Variants in MPDZ observed in about 807,000 individuals in gnomAD.
MPDZ encodes the protein multiple PDZ domain protein.
MPDZ carries 234 observed loss-of-function variants against 239.1 expected under a neutral mutation model. The observed-to-expected ratio is 0.98, with a 90% CI of 0.88 to 1.09. The LOEUF (loss-of-function observed/expected upper bound fraction) is 1.09. Among genes scored for constraint, MPDZ ranks in the 50% least tolerant of loss-of-function variants. MPDZ has a pLI of 0.00. For missense variants in MPDZ, 3,175 were observed against 2,510.0 expected (o/e 1.26, Z -5.66); for synonymous variants, 1,048 against 881.3 (o/e 1.19, Z -3.35).
chr9:13,176,040 A>C, intron 20 of MPDZ, 96 bp downstream of exon 20: 3 of 1,438,290 alleles, frequency 2.1e-6, no homozygotes, highest in South Asian at 3.0e-5. Context: ...TAGTGTCAAG[A>C]AGCACTCATT....
chr9:13,190,232 T>C lies in MPDZ; in HGVS notation c.2036A>G (p.Asp679Gly). The change falls in exon 16 of 47, where the codon GAT becomes GGT. Residue 679 changes from aspartate (D) to glycine (G), a missense_variant. Transcript: ENST00000319217. ...AACCTCTTCTGTACTCTGACCCGCA[T>C]CAGTCATCGCCAGCACTGGATCCTC... ...ETEDPVLAMTDAGQSTEEVQA... is the reference protein window; with the variant it reads ...ETEDPVLAMTGAGQSTEEVQA... 6.2e-7 allele frequency: 1 copy of C among 1,612,838 alleles called. No homozygotes were observed. The highest frequency in any genetic ancestry group is 8.5e-7 in the Non-Finnish European group (1 of 1,179,418).
rs773156167 is a variant in MPDZ, at chr9:13,115,309, T to C, written c.5405A>G (p.Glu1802Gly). The change falls in exon 40 of 47, where the codon GAA (glutamate) becomes GGA (glycine). Residue 1802 changes from glutamate (E) to glycine (G), a missense_variant. Transcript: ENST00000319217. ...TGGACCAGCTTTGATTCTTCCAACTTCCAAGGTTACTGTGCCTAGGGAACA... is the reference window on the plus strand; with the variant it reads ...TGGACCAGCTTTGATTCTTCCAACTCCCAAGGTTACTGTGCCTAGGGAACA... ...LKCSLGTVTL[E>G]VGRIKAGPFH... 4 of 1,612,360 alleles carry C rather than the reference T, an allele frequency of 2.5e-6. No homozygotes were observed. The highest frequency in any genetic ancestry group is 1.7e-6 in the Non-Finnish European group (2 of 1,179,678).
Position 13,136,157 on chromosome 9 carries a change from C to A in MPDZ, c.4318G>T (p.Ala1440Ser), listed in dbSNP as rs750164135. The change falls in exon 31 of 47, where the codon GCC becomes TCC. Residue 1440 changes from alanine to serine, a missense_variant. Transcript: ENST00000319217. ...IRNKDAVNQM[A>S]VCPGNAVEPL... ...TCTACTGCATTTCCAGGACATACGG[C>A]CATCTGATTCACTGCATCTTTATTT... 30 of 1,612,256 alleles carry A rather than the reference C, an allele frequency of 1.9e-5. No homozygotes were observed. The highest frequency in any genetic ancestry group is 1.4e-5 in the Non-Finnish European group (17 of 1,179,120).
At chr9:13,217,577 T>A (rs1958511579) in intron 8 of MPDZ, among the ~76,000 whole-genome samples, 1 of 151,606 alleles carries the variant, frequency 6.6e-6, no homozygotes, top group Non-Finnish European at 1.5e-5. Flanking sequence ...ATCAAACAGG[T>A]TTTTTTTAGC....
Position 13,150,548 on chromosome 9 carries a change from T to C in MPDZ, c.3593A>G (p.Lys1198Arg). Residue 1198 changes from lysine to arginine, a missense_variant, in exon 25 of 47, where the codon AAA becomes AGA. Lys to Arg is a conservative substitution (Grantham distance 26). Transcript: ENST00000319217. The part of the protein sequence containing the change: ...KHVLEDSPAG[K>R]NGTLKPGDRI... Reference sequence around the variant, plus strand: ...ATCTCCAGGTTTCAAGGTTCCATTTTTGCCAGCTGGACTATCTTCCAGAAC... The same window carrying C: ...ATCTCCAGGTTTCAAGGTTCCATTTCTGCCAGCTGGACTATCTTCCAGAAC... The C allele has an allele frequency of 3.2e-6, 5 of 1,578,058 alleles. No individual in the cohort carries two copies. Among genetic ancestry groups the C allele is most frequent in the Admixed American group, 1.7e-5 (1 of 57,692 alleles).
chr9:13,106,829 G>GA lies in MPDZ; in HGVS notation c.*135dup. 1.1e-6 allele frequency: 1 copy of GA among 927,432 alleles called. No individual in the cohort carries two copies. Among genetic ancestry groups the GA allele is most frequent in the Non-Finnish European group, 1.6e-6 (1 of 637,078 alleles). 57.5% of individuals were successfully genotyped at this position (927,432 alleles called of 1,614,324 possible). A position where few individuals can be genotyped will look rare whatever the true frequency, so the allele number is the denominator to read the frequency against. Reference sequence around the variant, plus strand: ...GGAAAGCATTTCTAGATGAGAAAAAGAAACTTAAGTGTTATTTCCCCCCTA... The same window carrying GA: ...GGAAAGCATTTCTAGATGAGAAAAAGAAAACTTAAGTGTTATTTCCCCCCTA... On this transcript the variant is annotated 3_prime_UTR_variant, in exon 47 of 47. Transcript: ENST00000319217.
At chr9:13,248,762 G>GT (rs879684840) in intron 2 of MPDZ, among the ~76,000 whole-genome samples, 1 of 151,228 alleles carries the variant, frequency 6.6e-6, no homozygotes, top group African/African-American at 2.4e-5. Flanking sequence ...GAGCTCAGGA[G>GT]TTTGAGACCA....
intron 1 of MPDZ, among the ~76,000 whole-genome samples, chr9:13,260,753 C>T (rs1327869957): frequency 6.6e-6 from 1 of 152,174 alleles, no homozygotes; most frequent in Non-Finnish European, 1.5e-5. Context: ...AGAAGGTAGC[C>T]ACCTGCGAGC....
At chr9:13,208,960 C>T (rs1477062485) in intron 10 of MPDZ, among the ~76,000 whole-genome samples, 2 of 152,090 alleles carry the variant, frequency 1.3e-5, no homozygotes. Context: ...TGCAACAAAA[C>T]TGGAAACCAA....
intron 13 of MPDZ, 131 bp from the exon 14 acceptor site, chr9:13,193,444 A>G (rs1345645580): frequency 1.0e-6 from 1 of 1,004,416 alleles, no homozygotes; most frequent in African/African-American, 1.6e-5. Context: ...CCATATTGTA[A>G]AACTGCAAAG....
In MPDZ at chr9:13,193,240, A is replaced by C. The variant is rs976405599; in HGVS notation, c.1730T>G (p.Phe577Cys). 6.2e-7 allele frequency: 1 copy of C among 1,612,626 alleles called. No individual in the cohort carries two copies. Among genetic ancestry groups the C allele is most frequent in the Non-Finnish European group, 8.5e-7 (1 of 1,179,112 alleles). Residue 577 changes from phenylalanine (F) to cysteine (C), a missense_variant, in exon 14 of 47, where the codon TTT becomes TGT. Coordinates refer to ENST00000319217, the MANE Select transcript of MPDZ (RefSeq NM_001378778.1). Reference protein sequence around the residue: ...ISLEATVGHHFIRSVLPEGPV... With the variant: ...ISLEATVGHHCIRSVLPEGPV... ...ACCCTCTGGTAGAACAGATCGGATA[A>C]AATGATGTCCCACTGTCGCTTCCAG...
At chr9:13,232,322 A>G (rs1165584334) in intron 3 of MPDZ, among the ~76,000 whole-genome samples, 1 of 152,172 alleles carries the variant, frequency 6.6e-6, no homozygotes, top group Admixed American at 6.5e-5. Context: ...TCTGTTCAAG[A>G]TATGATTAAA....
chr9:13,165,005 G>A (rs1950902733), intron 22 of MPDZ, among the ~76,000 whole-genome samples: 1 of 152,110 alleles, frequency 6.6e-6, no homozygotes, highest in Admixed American at 6.6e-5. Context: ...GGTTACACAT[G>A]GACTAGAAGA....
At chr9:13,174,665 A>C (rs1587514043) in intron 21 of MPDZ, among the ~76,000 whole-genome samples, 2 of 152,236 alleles carry the variant, frequency 1.3e-5, no homozygotes, top group African/African-American at 4.8e-5. Flanking sequence ...GAAATACTAA[A>C]TTAGCCAATG....
At chr9:13,162,941 G>C in intron 22 of MPDZ, 146 bp from the exon 23 acceptor site, 1 of 553,542 alleles carries the variant, frequency 1.8e-6, no homozygotes, top group Non-Finnish European at 3.2e-6. Context: ...ATATTCAGCA[G>C]AGAATCCAAA....
chr9:13,167,589 A>G (rs1951228188), intron 22 of MPDZ, among the ~76,000 whole-genome samples: 1 of 152,128 alleles, frequency 6.6e-6, no homozygotes, highest in Non-Finnish European at 1.5e-5. Flanking sequence ...CATCGATTTT[A>G]GGTAAACAAT....
chr9:13,106,829 G>A lies in MPDZ; in HGVS notation c.*136C>T. On this transcript the variant is annotated 3_prime_UTR_variant, in exon 47 of 47. Transcript: ENST00000319217. ...GGAAAGCATTTCTAGATGAGAAAAA[G>A]AAACTTAAGTGTTATTTCCCCCCTA... 1 of 927,432 alleles carries A rather than the reference G, an allele frequency of 1.1e-6. No homozygotes were observed. Among genetic ancestry groups the A allele is most frequent in the Non-Finnish European group, 1.6e-6 (1 of 637,078 alleles). 57.5% of individuals were successfully genotyped at this position (927,432 alleles called of 1,614,324 possible). A position where few individuals can be genotyped will look rare whatever the true frequency, so the allele number is the denominator to read the frequency against.
At chr9:13,164,724 T>C (rs1432420300) in intron 22 of MPDZ, among the ~76,000 whole-genome samples, 1 of 152,118 alleles carries the variant, frequency 6.6e-6, no homozygotes, top group Non-Finnish European at 1.5e-5. Flanking sequence ...TTCTGATACT[T>C]TGCATAGCAG....
At chr9:13,133,650 G>A (rs369163482) in intron 32 of MPDZ, among the ~76,000 whole-genome samples, 174 bp downstream of exon 32, 2 of 152,184 alleles carry the variant, frequency 1.3e-5, no homozygotes, top group Middle Eastern at 3.2e-3. Flanking sequence ...CCCAACCCTA[G>A]AGTTTCTCAT....
Sources: gnomAD v4.1 joint callset for allele counts (sites outside exome capture counted in the v4.1 genomes callset) on GRCh38, gnomAD v4.1.1 for gene constraint, MANE v1.5 for transcripts, NCBI Gene and HGNC (gene_info 2026-07-23, HGNC 2026-07-21) for gene names.